The following ICE1 variants were observed in gnomAD, a reference collection of about 807,000 sequenced individuals.
ICE1 encodes little elongation complex subunit 1.
ICE1 carries 64 observed loss-of-function variants against 192.7 expected under a neutral mutation model. The observed-to-expected ratio is 0.33, with a 90% CI of 0.27 to 0.41. ICE1 has a LOEUF of 0.41. ICE1 is among the 10% of genes least tolerant of loss of function. The pLI, the probability that ICE1 is intolerant of heterozygous loss-of-function variation, is 1.00. For synonymous variants in ICE1, 1,010 were observed against 984.5 expected (o/e 1.03, Z -0.49); for missense variants, 2,708 against 2,696.0 (o/e 1.00, Z -0.10).
At chr5:5,477,840 A>G (rs1456582053) in intron 17 of ICE1, among the ~76,000 whole-genome samples, 1 of 152,236 alleles carries the variant, frequency 6.6e-6, no homozygotes, top group Non-Finnish European at 1.5e-5. Flanking sequence ...ATGCAAAGCA[A>G]TAAGCCTAAT....
In ICE1 at chr5:5,454,108, T is replaced by C. The variant is rs557270968; in HGVS notation, c.605-444T>C. Among the ~76,000 whole-genome samples, 3 of 152,290 alleles carry C rather than the reference T, an allele frequency of 2.0e-5. No homozygotes were observed. In the South Asian group the frequency reaches 6.2e-4, roughly 32 times the overall value. ...TAGTGACTTTTCTGATAACCTCTTA[T>C]AACTTAGGGATGCTTCTCTACTCCT... On this transcript the variant is annotated intron_variant, in intron 10 of 18. Coordinates refer to ENST00000296564, the MANE Select transcript of ICE1 (RefSeq NM_015325.3).
intron 12 of ICE1, among the ~76,000 whole-genome samples, chr5:5,458,097 A>G (rs1387409503): frequency 1.3e-5 from 2 of 152,228 alleles, no homozygotes; most frequent in Non-Finnish European, 2.9e-5. Context: ...AGGAAAATCC[A>G]TGTATATAGC....
chr5:5,461,587 A>T lies in ICE1; in HGVS notation c.2253A>T (p.Gln751His). The T allele has an allele frequency of 6.2e-7, 1 of 1,613,300 alleles. No homozygotes were observed. The highest frequency in any genetic ancestry group is 8.5e-7 in the Non-Finnish European group (1 of 1,179,566). The change falls in exon 13 of 19, where the codon CAA becomes CAT. Residue 751 changes from glutamine (Q) to histidine (H), a missense_variant. By Grantham distance (24) the Gln-to-His change is conservative (BLOSUM62 0). Transcript: ENST00000296564. The stretch of plus-strand genomic sequence containing the variant: ...TTATGAAAGCTACAAAAGATGGGCA[A>T]TGTGAAAGTCAAGATCCAAGAATTG... ...SVFMKATKDG[Q>H]CESQDPRIEL...
rs369204549 is a variant in ICE1, at chr5:5,461,329, T to C, written c.1995T>C (p.Ser665=). The change falls in exon 13 of 19, where the codon TCT becomes TCC. Residue 665 remains serine (S), a synonymous_variant. Transcript: ENST00000296564. The stretch of plus-strand genomic sequence containing the variant: ...CAGATATTACTACTAAAGTATTCTC[T>C]ACTGAACCGCATCATTCAGAACATA... ...NDTDITTKVF[S]TEPHHSEHKL... is the part of the protein sequence containing the mutation. The C allele has an allele frequency of 6.3e-5, 102 of 1,613,846 alleles. No individual in the cohort carries two copies. Among genetic ancestry groups the C allele is most frequent in the Non-Finnish European group, 8.3e-5 (98 of 1,179,864 alleles).
chr5:5,470,277 TGCCTTCAGAGGGTTACCC>T (rs1276433556), intron 15 of ICE1, among the ~76,000 whole-genome samples: 1 of 152,154 alleles, frequency 6.6e-6, no homozygotes, highest in Non-Finnish European at 1.5e-5. Flanking sequence ...GAGAGTTACT[TGCCTTCAGAGGGTTACCC>T]GCCTTCAGAA....
At chr5:5,487,918 G>A (rs1484014153) in intron 18 of ICE1, among the ~76,000 whole-genome samples, 1 of 152,200 alleles carries the variant, frequency 6.6e-6, no homozygotes, top group Non-Finnish European at 1.5e-5. Context: ...TATACAGGAG[G>A]AAACCAAAGC....
intron 17 of ICE1, among the ~76,000 whole-genome samples, chr5:5,477,313 C>T (rs934542766): frequency 1.3e-4 from 20 of 152,196 alleles, no homozygotes; most frequent in Admixed American, 6.5e-5. Flanking sequence ...GTTATCACCA[C>T]TGATTCCACA....
chr5:5,457,438 C>T lies in ICE1; in HGVS notation c.798C>T (p.Leu266=). The T allele has an allele frequency of 6.2e-7, 1 of 1,613,792 alleles. No individual in the cohort carries two copies. Among genetic ancestry groups the T allele is most frequent in the Non-Finnish European group, 8.5e-7 (1 of 1,179,826 alleles). Residue 266 remains leucine, a synonymous_variant, in exon 12 of 19, where the codon CTC becomes CTT. Transcript: ENST00000296564. ...PLRTSNVQTC[L]TKLSMEIKED... is the part of the protein sequence containing the mutation. ...GGACCTCAAATGTGCAGACATGCCT[C>T]ACAAAACTGTCCATGGAGATAAAGG...
chr5:5,460,846 C>T lies in ICE1; in HGVS notation c.1512C>T (p.Leu504=). ...SVQTEKTIHK[L]TRGLCIERLS... Reference sequence around the variant, plus strand: ...AAACTGAGAAGACCATTCATAAACTCACTCGAGGTCTATGCATTGAGAGAT... The same window carrying T: ...AAACTGAGAAGACCATTCATAAACTTACTCGAGGTCTATGCATTGAGAGAT... Residue 504 remains leucine, a synonymous_variant, in exon 13 of 19, where the codon CTC becomes CTT. Coordinates refer to ENST00000296564, the MANE Select transcript of ICE1 (RefSeq NM_015325.3). 6.2e-7 allele frequency: 1 copy of T among 1,614,028 alleles called. No homozygotes were observed. Among genetic ancestry groups the T allele is most frequent in the South Asian group, 1.1e-5 (1 of 91,090 alleles).
chr5:5,428,592 T>C (rs1290028831), intron 1 of ICE1, among the ~76,000 whole-genome samples: 3 of 152,222 alleles, frequency 2.0e-5, no homozygotes, highest in Non-Finnish European at 4.4e-5. Flanking sequence ...TCTGCACACA[T>C]ACACTTTGTC....
Position 5,422,975 on chromosome 5 carries a change from TC to T in ICE1, c.61del (p.Gln21ArgfsTer10). The T allele has an allele frequency of 6.9e-7, 1 of 1,454,764 alleles. No homozygotes were observed. The highest frequency in any genetic ancestry group is 1.3e-5 in the South Asian group (1 of 75,486). 90.1% of individuals were successfully genotyped at this position (1,454,764 alleles called of 1,614,324 possible). ...PGTAADLSRC[Q>X]GCASLQQNLN... ...GGACGGCGGCGGACCTGTCGCGATGTCAGGGCTGCGCCTCTCTGCAGCAGGT... is the reference window on the plus strand; with the variant it reads ...GGACGGCGGCGGACCTGTCGCGATGTAGGGCTGCGCCTCTCTGCAGCAGGT... On this transcript the variant is annotated frameshift_variant, in exon 1 of 19. Transcript: ENST00000296564. LOFTEE classifies it high-confidence loss of function.
intron 1 of ICE1, among the ~76,000 whole-genome samples, chr5:5,425,241 A>G (rs1277343895): frequency 2.0e-5 from 3 of 152,012 alleles, no homozygotes; most frequent in African/African-American, 7.3e-5. Flanking sequence ...CCTTCCTTCT[A>G]CCCTTGCCAC....
intron 4 of ICE1, among the ~76,000 whole-genome samples, chr5:5,440,602 TAATAGTACTATTTAATAGCA>T (rs1738014689): frequency 6.6e-6 from 1 of 152,230 alleles, no homozygotes; most frequent in African/African-American, 2.4e-5. Context: ...ATTATAATAG[TAATAGTACTATTTAATAGCA>T]AATAGTACTA....
chr5:5,474,019 G>C (rs1289425787), intron 16 of ICE1, among the ~76,000 whole-genome samples: 1 of 151,996 alleles, frequency 6.6e-6, no homozygotes, highest in Non-Finnish European at 1.5e-5. Context: ...GACCACCCTG[G>C]CTAACATGAT....
rs1579568201 is a variant in ICE1, at chr5:5,464,737, A to G, written c.5403A>G (p.Ser1801=). 6.2e-7 allele frequency: 1 copy of G among 1,613,932 alleles called. No individual in the cohort carries two copies. The highest frequency in any genetic ancestry group is 8.5e-7 in the Non-Finnish European group (1 of 1,179,856). ...SAMIGFKTIT[S]AATAFVKTGS... is the part of the protein sequence containing the mutation. ...TGATAGGATTCAAAACGATCACTTC[A>G]GCAGCAACTGCTTTTGTCAAAACTG... Residue 1801 remains serine (S), a synonymous_variant, in exon 13 of 19, where the codon TCA becomes TCG. Transcript: ENST00000296564. The surrounding 1 kb of genome is among the most constrained non-coding windows in gnomAD (Gnocchi z 4.0).
At position 5,475,627 on chromosome 5, in the gene ICE1, C is replaced by T. The variant is rs193095293; in HGVS notation, c.6414-346C>T. On this transcript the variant is annotated intron_variant, in intron 16 of 18. Transcript: ENST00000296564. ...CTGCCGGATAACTTGGCTTCTAAAACACAGGGGCTGCTTTTGCACCTGGAG... is the reference window on the plus strand; with the variant it reads ...CTGCCGGATAACTTGGCTTCTAAAATACAGGGGCTGCTTTTGCACCTGGAG... Among the ~76,000 whole-genome samples the T allele has an allele frequency of 4.2e-4, 64 of 152,322 alleles. 1 individual carries two copies. Among genetic ancestry groups the T allele is most frequent in the Admixed American group, 3.7e-3 (56 of 15,298 alleles).
rs1223727461 is a variant in ICE1 at position 5,460,450 on chromosome 5, A to G, written c.1116A>G (p.Gly372=). ...PSSFAPETYF[G]EYTDSSDNDS... ...TATTTTTTAAGGAAACCTACTTTGGAGAATACACAGATTCCAGCGATAATG... is the reference window on the plus strand; with the variant it reads ...TATTTTTTAAGGAAACCTACTTTGGGGAATACACAGATTCCAGCGATAATG... The change falls in exon 13 of 19, where the codon GGA becomes GGG. Residue 372 remains glycine, a synonymous_variant. Transcript: ENST00000296564. 2 of 1,573,706 alleles carry G rather than the reference A, an allele frequency of 1.3e-6. No homozygotes were observed. Among genetic ancestry groups the G allele is most frequent in the Non-Finnish European group, 1.7e-6 (2 of 1,159,438 alleles).
chr5:5,475,972 G>T lies in ICE1; in HGVS notation c.6414-1G>T. 1 of 1,585,862 alleles carries T rather than the reference G, an allele frequency of 6.3e-7. No homozygotes were observed. Among genetic ancestry groups the T allele is most frequent in the Non-Finnish European group, 8.6e-7 (1 of 1,157,124 alleles). ...CATCTTTTCATGTTGTTTTTTTATA[G>T]TAAGGAGCTGTGGCCTGTGATGGAT... On this transcript the variant is annotated splice_acceptor_variant, in intron 16 of 18. Coordinates refer to ENST00000296564, the MANE Select transcript of ICE1 (RefSeq NM_015325.3). LOFTEE classifies it high-confidence loss of function.
At chr5:5,482,690 C>T (rs946853982) in intron 17 of ICE1, among the ~76,000 whole-genome samples, 1 of 151,856 alleles carries the variant, frequency 6.6e-6, no homozygotes, top group African/African-American at 2.4e-5. Context: ...GTAGTGTGGG[C>T]TGAGGGCAAA....
Sources: allele counts gnomAD v4.1 joint callset (sites outside exome capture counted in the v4.1 genomes callset), GRCh38; gene constraint gnomAD v4.1.1; non-coding constraint Gnocchi (gnomAD v3.1); transcripts MANE v1.5; gene names NCBI Gene and HGNC (gene_info 2026-07-23, HGNC 2026-07-21).